The following SGSM1 variants were observed in gnomAD, a reference collection of about 807,000 sequenced individuals.
SGSM1 encodes the protein small G protein signaling modulator 1.
A neutral mutation model predicts 133.8 loss-of-function variants in SGSM1; 73 were observed. The observed-to-expected ratio is 0.55, with a 90% CI of 0.45 to 0.66. SGSM1 has a LOEUF of 0.66. SGSM1 is among the 30% of genes least tolerant of loss of function. The probability of loss-of-function intolerance (pLI) is 0.00; values close to 1 mark genes in which losing one functional copy is unlikely to be tolerated. For synonymous variants in SGSM1, 563 were observed against 573.0 expected, an observed-to-expected ratio of 0.98 and a Z score of 0.25; for missense variants, 1,213 against 1,448.1, an observed-to-expected ratio of 0.84 and a Z score of 2.64.
chr22:24,828,989 C>T (rs1928955502), intron 2 of SGSM1, among the ~76,000 whole-genome samples: 1 of 151,918 alleles, frequency 6.6e-6, no homozygotes, highest in African/African-American at 2.4e-5. Flanking sequence ...GCTAGGAGAT[C>T]GAGACAATCC....
chr22:24,843,161 G>A (rs1929902815), intron 2 of SGSM1, among the ~76,000 whole-genome samples: 1 of 152,152 alleles, frequency 6.6e-6, no homozygotes, highest in Non-Finnish European at 1.5e-5. Flanking sequence ...CTTCTCATGG[G>A]CCTCCCTAGA....
intron 12 of SGSM1, among the ~76,000 whole-genome samples, chr22:24,872,918 CAAA>C (rs749490710): frequency 8.2e-6 from 1 of 122,294 alleles, no homozygotes. Flanking sequence ...GACTCCATCT[CAAA>C]AAAAAAAAAG....
rs1932974662 is a variant in SGSM1, at chr22:24,898,166, G to A, written c.2217G>A (p.Leu739=). The A allele has an allele frequency of 3.7e-6, 6 of 1,613,890 alleles. No individual in the cohort carries two copies. The highest frequency in any genetic ancestry group is 1.3e-5 in the African/African-American group (1 of 74,934). The part of the protein sequence containing the change: ...EPSLSTEDSV[L]DAQRNTPTVL... ...GTCTGAGCACAGAAGACAGTGTCTT[G>A]GACGCCCAGCGGAACACCCCCACGG... The change falls in exon 19 of 25, where the codon TTG becomes TTA. Residue 739 remains leucine (L), a synonymous_variant. Coordinates refer to ENST00000400358, the MANE Select transcript of SGSM1 (RefSeq NM_001098497.3).
intron 8 of SGSM1, among the ~76,000 whole-genome samples, chr22:24,858,093 C>T (rs1421864890): frequency 6.6e-6 from 1 of 152,184 alleles, no homozygotes; most frequent in African/African-American, 2.4e-5. Flanking sequence ...CCTCCCACCT[C>T]AGCTTCCTGA....
intron 14 of SGSM1, among the ~76,000 whole-genome samples, chr22:24,881,410 C>T (rs1379504416): frequency 1.5e-5 from 2 of 135,034 alleles, no homozygotes; most frequent in Non-Finnish European, 1.6e-5. Context: ...ACTAAAAATA[C>T]AAAAAATTAG....
intron 2 of SGSM1, among the ~76,000 whole-genome samples, chr22:24,806,927 G>A (rs1310423081): frequency 1.3e-5 from 2 of 151,968 alleles, no homozygotes; most frequent in African/African-American, 4.8e-5. Flanking sequence ...AAGGCAGAAG[G>A]AAAATAAAAC....
intron 18 of SGSM1, among the ~76,000 whole-genome samples, chr22:24,896,801 A>G (rs747472874): frequency 8.6e-5 from 13 of 150,764 alleles, no homozygotes; most frequent in Non-Finnish European, 1.8e-4. Flanking sequence ...GCATGGTGAA[A>G]CCCTGACTCT....
intron 14 of SGSM1, among the ~76,000 whole-genome samples, chr22:24,883,775 G>A (rs1371127914): frequency 1.3e-5 from 2 of 152,118 alleles, no homozygotes; most frequent in Non-Finnish European, 2.9e-5. Flanking sequence ...TGGGCAAGAT[G>A]GTGAAACCTC....
At chr22:24,815,165 G>T (rs140990609) in intron 2 of SGSM1, among the ~76,000 whole-genome samples, 5 of 152,336 alleles carry the variant, frequency 3.3e-5, no homozygotes, top group African/African-American at 1.2e-4. Flanking sequence ...GCAAAGAACA[G>T]TAACAGTTCC....
chr22:24,870,377 C>G lies in SGSM1; in HGVS notation c.1291+1522C>G, dbSNP rs116718668. ...AGACCAACATTCATTAAGAGTTCTA[C>G]TCGAGAGCCAGTTATCAGAGAGGGC... On this transcript the variant is annotated intron_variant, in intron 12 of 24. Transcript: ENST00000400358. 3.6e-3 allele frequency among the ~76,000 whole-genome samples: 543 copies of G among 152,378 alleles called. 2 individuals are homozygous for G. Among genetic ancestry groups the G allele is most frequent in the African/African-American group, 0.011 (478 of 41,598 alleles).
At chr22:24,919,660 G>A (rs1378549876) in intron 23 of SGSM1, among the ~76,000 whole-genome samples, 166 bp from the exon 24 acceptor site, 1 of 152,188 alleles carries the variant, frequency 6.6e-6, no homozygotes, top group African/African-American at 2.4e-5. Context: ...AAATGACAGA[G>A]CCCAGGTCTC....
In SGSM1 at chr22:24,859,735, T is replaced by C; in HGVS notation, c.821T>C (p.Val274Ala). 6.2e-7 allele frequency: 1 copy of C among 1,613,936 alleles called. No homozygotes were observed. ...LVQPRDDMEAVPGYLSLHQTA... is the reference protein window; with the variant it reads ...LVQPRDDMEAAPGYLSLHQTA... ...CTGCAGAGGGACGACATGGAGGCTG[T>C]GCCAGGGTACCTGTCCCTGCACCAG... Residue 274 changes from valine (V) to alanine (A), a missense_variant, in exon 9 of 25, where the codon GTG (valine) becomes GCG (alanine). Val to Ala is a moderately conservative substitution (Grantham distance 64). Transcript: ENST00000400358.
intron 5 of SGSM1, among the ~76,000 whole-genome samples, chr22:24,851,674 A>T (rs141973173): frequency 3.9e-5 from 6 of 152,276 alleles, no homozygotes; most frequent in Admixed American, 1.3e-4. Context: ...AGTCATGCTG[A>T]TAATACCTGA....
chr22:24,881,459 A>G (rs113038466), intron 14 of SGSM1, among the ~76,000 whole-genome samples: 7,311 of 135,340 alleles, frequency 0.054, 512 homozygotes, highest in East Asian at 0.09. Context: ...CCAGCTACTC[A>G]GGAGGCTGAG....
At chr22:24,840,322 T>A (rs1028160496) in intron 2 of SGSM1, among the ~76,000 whole-genome samples, 21 of 152,042 alleles carry the variant, frequency 1.4e-4, no homozygotes, top group Non-Finnish European at 2.5e-4. Context: ...TAATCTTTAT[T>A]TTTTAATTTT....
intron 10 of SGSM1, 115 bp from the exon 11 acceptor site, chr22:24,868,261 A>G: frequency 1.4e-6 from 2 of 1,408,692 alleles, no homozygotes; most frequent in South Asian, 2.8e-5. Context: ...AGAGCCTCAG[A>G]GCAGGATCCC....
chr22:24,818,241 A>AAAT (rs1555919459), intron 2 of SGSM1, among the ~76,000 whole-genome samples: 28 of 150,954 alleles, frequency 1.9e-4, no homozygotes, highest in African/African-American at 6.6e-4. Flanking sequence ...CAAAAAAAAA[A>AAAT]AAAATAAAAT....
intron 24 of SGSM1, among the ~76,000 whole-genome samples, chr22:24,922,539 G>A (rs1270030564): frequency 1.4e-5 from 2 of 145,698 alleles, no homozygotes; most frequent in African/African-American, 2.5e-5. Flanking sequence ...GCAGTGGCGC[G>A]ATCTCGACTC....
chr22:24,855,339 C>T lies in SGSM1; in HGVS notation c.578C>T (p.Thr193Ile). 1 of 1,613,272 alleles carries T rather than the reference C, an allele frequency of 6.2e-7. No individual in the cohort carries two copies. Among genetic ancestry groups the T allele is most frequent in the Non-Finnish European group, 8.5e-7 (1 of 1,179,598 alleles). Residue 193 changes from threonine to isoleucine, a missense_variant, in exon 7 of 25, where the codon ACC becomes ATC. By Grantham distance (89) the Thr-to-Ile change is moderately conservative. Transcript: ENST00000400358. ...ATGAAGACTGCAGATCACTTCTGGA[C>T]CGATCCCTCGGCTGACGAACTTGTC... ...TKMKTADHFW[T>I]DPSADELVQR...
Sources: allele counts gnomAD v4.1 joint callset (sites outside exome capture counted in the v4.1 genomes callset), GRCh38; gene constraint gnomAD v4.1.1; transcripts MANE v1.5; gene names NCBI Gene and HGNC (gene_info 2026-07-23, HGNC 2026-07-21).